DLG2: variants seen among roughly 807,000 people sequenced by gnomAD.
The protein encoded by DLG2 is disks large homolog 2.
DLG2 carries 45 observed loss-of-function variants against 132.5 expected under a neutral mutation model. The ratio of observed to expected loss-of-function variants is 0.34; its 90% CI spans 0.27 to 0.44. DLG2 has a LOEUF of 0.44. DLG2 is among the 20% of genes least tolerant of loss of function. The probability of loss-of-function intolerance (pLI) is 1.00; values close to 1 mark genes in which losing one functional copy is unlikely to be tolerated. For missense variants in DLG2, 1,045 were observed against 1,196.9 expected, an observed-to-expected ratio of 0.87 and a Z score of 1.87; for synonymous variants, 424 against 419.6, an observed-to-expected ratio of 1.01 and a Z score of -0.13.
chr11:84,511,604 G>A (rs530700393), intron 7 of DLG2, among the ~76,000 whole-genome samples: 2 of 152,148 alleles, frequency 1.3e-5, no homozygotes, highest in Admixed American at 6.5e-5. Flanking sequence ...TATACTAATT[G>A]TCAACAATAT....
At chr11:85,115,207 A>C (rs1218611647) in intron 5 of DLG2, among the ~76,000 whole-genome samples, 1 of 151,948 alleles carries the variant, frequency 6.6e-6, no homozygotes, top group African/African-American at 2.4e-5. Context: ...CGTTAGGTAT[A>C]CATATAGATT....
At chr11:83,734,802 G>GTT (rs2091665191) in intron 18 of DLG2, among the ~76,000 whole-genome samples, 1 of 152,076 alleles carries the variant, frequency 6.6e-6, no homozygotes. Flanking sequence ...AATGCACACA[G>GTT]TAAGAGTATT....
At chr11:84,014,570 G>A (rs1214235237) in intron 11 of DLG2, among the ~76,000 whole-genome samples, 16 of 152,088 alleles carry the variant, frequency 1.1e-4, no homozygotes, top group Admixed American at 1.0e-3. Flanking sequence ...CGTACCATGT[G>A]CCAGGCACAT....
intron 21 of DLG2, among the ~76,000 whole-genome samples, chr11:83,515,446 C>G (rs538725009): frequency 6.6e-6 from 1 of 151,978 alleles, no homozygotes; most frequent in East Asian, 1.9e-4. Flanking sequence ...AGTGGTCTAT[C>G]GATTTTGTTG....
At chr11:84,124,774 C>T (rs1488191337) in intron 9 of DLG2, among the ~76,000 whole-genome samples, 3 of 150,900 alleles carry the variant, frequency 2.0e-5, no homozygotes, top group Non-Finnish European at 4.4e-5. Flanking sequence ...AGACATGGCA[C>T]TTAAATAGTG....
intron 3 of DLG2, among the ~76,000 whole-genome samples, chr11:85,499,508 C>A (rs562409666): frequency 2.0e-5 from 3 of 152,262 alleles, no homozygotes; most frequent in Non-Finnish European, 2.9e-5. Flanking sequence ...CCAGATTCAA[C>A]CAGAGTTACA....
chr11:84,404,476 A>G lies in DLG2; in HGVS notation c.519+130094T>C, dbSNP rs147730936. Among the ~76,000 whole-genome samples the G allele has an allele frequency of 5.4e-3, 825 of 152,252 alleles. 10 individuals are homozygous for G. Among genetic ancestry groups the G allele is most frequent in the African/African-American group, 0.019 (796 of 41,554 alleles). ...CAGTCATATGTTTGTTTTCTCAACT[A>G]GTATGGAAGGATGGAAACTCTGTTT... On this transcript the variant is annotated intron_variant, in intron 7 of 27. Transcript: ENST00000376104.
intron 3 of DLG2, among the ~76,000 whole-genome samples, chr11:85,425,551 CA>C (rs1318976061): frequency 1.3e-5 from 2 of 152,056 alleles, no homozygotes; most frequent in African/African-American, 4.8e-5. Flanking sequence ...TGTAACTTGT[CA>C]ATTCATTGTA....
At chr11:84,896,417 A>G (rs1055586767) in intron 6 of DLG2, among the ~76,000 whole-genome samples, 24 of 152,064 alleles carry the variant, frequency 1.6e-4, no homozygotes, top group Non-Finnish European at 4.4e-5. Context: ...TGTTGTTGAT[A>G]TACTCATCAA....
At chr11:83,981,297 G>T (rs2092755184) in intron 11 of DLG2, among the ~76,000 whole-genome samples, 1 of 151,894 alleles carries the variant, frequency 6.6e-6, no homozygotes, top group Non-Finnish European at 1.5e-5. Flanking sequence ...AGCATTTATT[G>T]TTATTAACTG....
intron 6 of DLG2, among the ~76,000 whole-genome samples, chr11:85,019,552 G>A (rs1471248615): frequency 6.6e-6 from 1 of 152,056 alleles, no homozygotes; most frequent in African/African-American, 2.4e-5. Context: ...TATGTGCCAT[G>A]TTGGTGTGCT....
chr11:84,945,683 G>A (rs971435775), intron 6 of DLG2, among the ~76,000 whole-genome samples: 5 of 152,110 alleles, frequency 3.3e-5, no homozygotes, highest in Non-Finnish European at 4.4e-5. Context: ...CCCAGGGCAC[G>A]TCCAGAAATG....
intron 3 of DLG2, among the ~76,000 whole-genome samples, chr11:85,315,274 T>A (rs2080582041): frequency 6.6e-6 from 1 of 151,970 alleles, no homozygotes; most frequent in African/African-American, 2.4e-5. Flanking sequence ...TATTCCACTA[T>A]CTTGTCCTGT....
intron 6 of DLG2, among the ~76,000 whole-genome samples, chr11:84,895,260 G>A (rs1196603677): frequency 1.3e-5 from 2 of 152,104 alleles, no homozygotes; most frequent in Non-Finnish European, 2.9e-5. Flanking sequence ...AAAGATATTA[G>A]TGGAACCACA....
chr11:84,014,971 G>A (rs934518357), intron 11 of DLG2, among the ~76,000 whole-genome samples: 3 of 151,784 alleles, frequency 2.0e-5, no homozygotes, highest in South Asian at 2.1e-4. Flanking sequence ...GAATACATAC[G>A]TAATTTGGTG....
chr11:83,492,227 ATCT>A (rs1347832621), intron 21 of DLG2, among the ~76,000 whole-genome samples: 6 of 152,044 alleles, frequency 3.9e-5, no homozygotes, highest in Non-Finnish European at 8.8e-5. Context: ...TACTCTGTTG[ATCT>A]TCCCATTAGA....
At chr11:83,936,863 G>T (rs986731579) in intron 14 of DLG2, among the ~76,000 whole-genome samples, 1 of 152,136 alleles carries the variant, frequency 6.6e-6, no homozygotes. Context: ...TTGGGTGAGG[G>T]TGTCCAGCTA....
intron 7 of DLG2, chr11:84,317,267 T>C: frequency 6.7e-7 from 1 of 1,490,414 alleles, no homozygotes. Context: ...TCAGTATCTT[T>C]GACAGCTGCT....
intron 15 of DLG2, among the ~76,000 whole-genome samples, chr11:83,894,787 A>T (rs541987862): frequency 3.9e-5 from 6 of 152,034 alleles, no homozygotes; most frequent in Admixed American, 3.9e-4. Context: ...TAAAAAACTT[A>T]TTTTCCCCAG....
Sources: allele counts gnomAD v4.1 joint callset (sites outside exome capture counted in the v4.1 genomes callset), GRCh38; gene constraint gnomAD v4.1.1; transcripts MANE v1.5; gene names NCBI Gene and HGNC (gene_info 2026-07-23, HGNC 2026-07-21).